Variants in SPDYE18 observed in about 807,000 individuals in gnomAD.
SPDYE18 encodes the protein speedy/RINGO cell cycle regulator family member E18, also known as speedy protein E18.
A neutral mutation model predicts 44.9 loss-of-function variants in SPDYE18; 6 were observed. The ratio of observed to expected loss-of-function variants is 0.13; its 90% CI spans 0.07 to 0.26. The LOEUF (loss-of-function observed/expected upper bound fraction) is 0.26, where lower values mean the gene tolerates loss of function less well. Among genes scored for constraint, SPDYE18 ranks in the 10% least tolerant of loss-of-function variants. The pLI, the probability that SPDYE18 is intolerant of heterozygous loss-of-function variation, is 1.00. For synonymous variants in SPDYE18, 35 were observed against 177.1 expected, an observed-to-expected ratio of 0.20 and a Z score of 6.37; for missense variants, 121 against 463.2, an observed-to-expected ratio of 0.26 and a Z score of 6.78.
Position 77,051,523 on chromosome 7 carries a change from C to G in SPDYE18, c.*402G>C, listed in dbSNP as rs1381307085. 6.6e-6 allele frequency among the ~76,000 whole-genome samples: 1 copy of G among 152,288 alleles called. No individual in the cohort carries two copies. The highest frequency in any genetic ancestry group is 1.5e-5 in the Non-Finnish European group (1 of 68,044). On this transcript the variant is annotated 3_prime_UTR_variant, in exon 9 of 9. Coordinates refer to ENST00000510091, the MANE Select transcript of SPDYE18 (RefSeq NM_001394953.1). ...AATCTGAGCCCCTGCATTGTGCCTT[C>G]AAATGCTCCTGGACTGTGGCAACCA... is the stretch of plus-strand genomic sequence containing the variant.
chr7:77,051,188 G>A lies in SPDYE18; in HGVS notation c.*737C>T, dbSNP rs1208591143. On this transcript the variant is annotated 3_prime_UTR_variant, in exon 9 of 9. Transcript: ENST00000510091. ...TGGAAGTATCATAGATAAAAAGAGTGCTCGCTTCAGGAGCACATATAATAA... is the reference window on the plus strand; with the variant it reads ...TGGAAGTATCATAGATAAAAAGAGTACTCGCTTCAGGAGCACATATAATAA... Among the ~76,000 whole-genome samples the A allele has an allele frequency of 1.3e-5, 2 of 152,088 alleles. No homozygotes were observed. Among genetic ancestry groups the A allele is most frequent in the Admixed American group, 6.5e-5 (1 of 15,276 alleles).
At chr7:77,052,265 C>T (rs551163867) in intron 8 of SPDYE18, among the ~76,000 whole-genome samples, 14 of 151,860 alleles carry the variant, frequency 9.2e-5, no homozygotes, top group East Asian at 5.9e-4. Flanking sequence ...GACAACATCA[C>T]GAACCACGAG....
At chr7:77,054,867 A>T (rs1397250252) in intron 6 of SPDYE18, among the ~76,000 whole-genome samples, 1 of 152,050 alleles carries the variant, frequency 6.6e-6, no homozygotes, top group African/African-American at 2.4e-5. Flanking sequence ...TCCTGGGTTC[A>T]AAGGGTTCTC....
rs966452047 is a variant in SPDYE18, at chr7:77,060,441, C to A, written c.72G>T (p.Pro24=). 20 of 1,535,312 alleles carry A rather than the reference C, an allele frequency of 1.3e-5. No individual in the cohort carries two copies. Among genetic ancestry groups the A allele is most frequent in the Admixed American group, 5.9e-5 (3 of 50,958 alleles). The part of the protein sequence containing the change: ...ITGKITTSRQ[P]HPQNEQSLQR... ...GGAGACTCTGCTCATTCTGGGGGTG[C>A]GGTTGACGGCTGGTCGTGATCTTTC... Residue 24 remains proline (P), a synonymous_variant, in exon 2 of 9, where the codon CCG becomes CCT. Transcript: ENST00000510091.
Position 77,051,264 on chromosome 7 carries a change from C to G in SPDYE18, c.*661G>C, listed in dbSNP as rs1437223382. On this transcript the variant is annotated 3_prime_UTR_variant, in exon 9 of 9. Transcript: ENST00000510091. Reference sequence around the variant, plus strand: ...AAATATTTAGGATAAAAAGAATTGTCTCTTAAAAATGAAAAGAAAATTATC... The same window carrying G: ...AAATATTTAGGATAAAAAGAATTGTGTCTTAAAAATGAAAAGAAAATTATC... Among the ~76,000 whole-genome samples the G allele has an allele frequency of 8.5e-5, 13 of 152,310 alleles. No homozygotes were observed. Among genetic ancestry groups the G allele is most frequent in the African/African-American group, 3.1e-4 (13 of 41,586 alleles).
chr7:77,054,966 C>T (rs1319257492), intron 6 of SPDYE18, among the ~76,000 whole-genome samples: 2 of 152,168 alleles, frequency 1.3e-5, no homozygotes, highest in African/African-American at 4.8e-5. Flanking sequence ...CGGGGTTTGG[C>T]CATGTTGGCC....
chr7:77,055,809 G>A (rs1373759508), intron 5 of SPDYE18, among the ~76,000 whole-genome samples: 2 of 150,142 alleles, frequency 1.3e-5, no homozygotes, highest in Admixed American at 6.7e-5. Flanking sequence ...ATAGCCGGGA[G>A]TGGTGGCTCA....
intron 4 of SPDYE18, among the ~76,000 whole-genome samples, chr7:77,057,164 C>T (rs1357093990): frequency 2.0e-5 from 3 of 152,280 alleles, no homozygotes; most frequent in South Asian, 2.1e-4. Context: ...GATCTTGGCT[C>T]GCTGCAACCT....
intron 1 of SPDYE18, among the ~76,000 whole-genome samples, chr7:77,061,305 A>G (rs376278586): frequency 4.6e-5 from 6 of 131,428 alleles, no homozygotes; most frequent in East Asian, 5.5e-4. Flanking sequence ...GGTGTCCCCA[A>G]TTTCAGGGAA....
chr7:77,050,939 A>G lies in SPDYE18; in HGVS notation c.*986T>C, dbSNP rs1448492023. On this transcript the variant is annotated 3_prime_UTR_variant, in exon 9 of 9. Coordinates refer to ENST00000510091, the MANE Select transcript of SPDYE18 (RefSeq NM_001394953.1). ...TTTAATAAATATTTCAATAAATAAA[A>G]TAATACTTAAATAATTCTATACCCA... Among the ~76,000 whole-genome samples, 3 of 148,942 alleles carry G rather than the reference A, an allele frequency of 2.0e-5. No individual in the cohort carries two copies. The highest frequency in any genetic ancestry group is 6.7e-5 in the Admixed American group (1 of 14,908).
intron 8 of SPDYE18, among the ~76,000 whole-genome samples, 190 bp downstream of exon 8, chr7:77,052,543 T>C (rs1237802660): frequency 2.6e-5 from 4 of 152,354 alleles, no homozygotes; most frequent in African/African-American, 7.2e-5. Context: ...CCAGCGATCC[T>C]CCCGCCTCAG....
chr7:77,053,048 G>A lies in SPDYE18; in HGVS notation c.911C>T (p.Ser304Phe). The A allele has an allele frequency of 1.2e-6, 2 of 1,614,124 alleles. No individual in the cohort carries two copies. The highest frequency in any genetic ancestry group is 2.2e-5 in the South Asian group (2 of 91,084). The change falls in exon 7 of 9, where the codon TCT (serine) becomes TTT (phenylalanine). Residue 304 changes from serine to phenylalanine, a missense_variant. Physicochemically the swap from Ser to Phe is radical, Grantham distance 155 (BLOSUM62 -2). Coordinates refer to ENST00000510091, the MANE Select transcript of SPDYE18 (RefSeq NM_001394953.1). ...CLNPRARKNR[S>F]QIALFQKLRF... is the part of the protein sequence containing the mutation. ...AAGTTTCTGGAACAGGGCTATCTGA[G>A]AGCGGTTCTTCCTGGCCCTCGGGTT...
intron 3 of SPDYE18, among the ~76,000 whole-genome samples, chr7:77,058,591 C>G (rs1420952142): frequency 6.9e-6 from 1 of 145,704 alleles, no homozygotes; most frequent in East Asian, 2.1e-4. Context: ...AAAGCAACCT[C>G]TTCCACCTGG....
chr7:77,060,361 C>A lies in SPDYE18; in HGVS notation c.152G>T (p.Gly51Val). 2 of 1,535,436 alleles carry A rather than the reference C, an allele frequency of 1.3e-6. No homozygotes were observed. The highest frequency in any genetic ancestry group is 2.4e-5 in the East Asian group (1 of 40,900). Residue 51 changes from glycine (G) to valine (V), a missense_variant, in exon 2 of 9, where the codon GGA (glycine) becomes GTA (valine). Transcript: ENST00000510091. ...TCCACCAGTCCCCTCACCTGATGGT[C>A]CCAACACTTCATCATCCACCACCTC... ...LQEVVDDEVL[G>V]PSAPGVDPSP...
In SPDYE18 at chr7:77,050,942, ATAC is replaced by A. The variant is rs1384578264; in HGVS notation, c.*980_*982del. On this transcript the variant is annotated 3_prime_UTR_variant, in exon 9 of 9. Transcript: ENST00000510091. ...AATAAATATTTCAATAAATAAAATAATACTTAAATAATTCTATACCCATGTTTT... is the reference window on the plus strand; with the variant it reads ...AATAAATATTTCAATAAATAAAATAATTAAATAATTCTATACCCATGTTTT... Among the ~76,000 whole-genome samples the A allele has an allele frequency of 5.0e-4, 75 of 149,044 alleles. No homozygotes were observed. The highest frequency in any genetic ancestry group is 1.8e-3 in the African/African-American group (72 of 41,134).
chr7:77,060,632 A>G lies in SPDYE18; in HGVS notation c.-120T>C. On this transcript the variant is annotated 5_prime_UTR_variant, in exon 2 of 9. Coordinates refer to ENST00000510091, the MANE Select transcript of SPDYE18 (RefSeq NM_001394953.1). ...ACTGTTGTCCAACTGATCTCCAGGC[A>G]CCACGGAGTCCGGTCCCTCCAATCA... 6.7e-7 allele frequency: 1 copy of G among 1,500,296 alleles called. No homozygotes were observed. Among genetic ancestry groups the G allele is most frequent in the Non-Finnish European group, 8.9e-7 (1 of 1,126,776 alleles). 92.9% of individuals were successfully genotyped at this position (1,500,296 alleles called of 1,614,324 possible). A position where few individuals can be genotyped will look rare whatever the true frequency, so the allele number is the denominator to read the frequency against.
chr7:77,058,135 T>TG (rs1554339328), intron 3 of SPDYE18, among the ~76,000 whole-genome samples: 91 of 113,486 alleles, frequency 8.0e-4, no homozygotes, highest in South Asian at 2.2e-3. Flanking sequence ...TTTTTTTTTT[T>TG]TTGTTGTTGT....
Position 77,051,512 on chromosome 7 carries a change from C to A in SPDYE18, c.*413G>T, listed in dbSNP as rs1388670402. Among the ~76,000 whole-genome samples the A allele has an allele frequency of 6.6e-6, 1 of 152,290 alleles. No individual in the cohort carries two copies. The highest frequency in any genetic ancestry group is 1.9e-4 in the East Asian group (1 of 5,208). On this transcript the variant is annotated 3_prime_UTR_variant, in exon 9 of 9. Transcript: ENST00000510091. ...AATTCTGTGCCAATCTGAGCCCCTG[C>A]ATTGTGCCTTCAAATGCTCCTGGAC... is the stretch of plus-strand genomic sequence containing the variant.
At chr7:77,053,307 G>A (rs1443770757) in intron 6 of SPDYE18, 104 bp from the exon 7 acceptor site, 1 of 1,500,698 alleles carries the variant, frequency 6.7e-7, no homozygotes, top group African/African-American at 1.4e-5. Flanking sequence ...CCTAGCTCAG[G>A]ACTGGCACCC....
Sources: gnomAD v4.1 joint callset for allele counts (sites outside exome capture counted in the v4.1 genomes callset) on GRCh38, gnomAD v4.1.1 for gene constraint, MANE v1.5 for transcripts, NCBI Gene and HGNC (gene_info 2026-07-23, HGNC 2026-07-21) for gene names.